Variants in TCF4 observed in about 807,000 individuals in gnomAD.
The protein encoded by TCF4 is SL3-3 enhancer factor 2.
TCF4 carries 3 observed loss-of-function variants against 82.1 expected under a neutral mutation model. That is an observed-to-expected ratio of 0.04 (90% CI 0.02 to 0.09). The LOEUF is 0.09. TCF4 is among the 10% of genes least tolerant of loss of function. The pLI is 1.00. For missense variants in TCF4, 518 were observed against 852.7 expected, an observed-to-expected ratio of 0.61 and a Z score of 4.89; for synonymous variants, 276 against 309.6, an observed-to-expected ratio of 0.89 and a Z score of 1.14.
intron 6 of TCF4, among the ~76,000 whole-genome samples, chr18:55,359,632 C>T (rs530340470): frequency 1.3e-5 from 2 of 152,306 alleles, no homozygotes; most frequent in Non-Finnish European, 2.9e-5. Context: ...CCAGTAGACA[C>T]GTAATTCCTC....
At chr18:55,601,118 C>T (rs562834895) in intron 2 of TCF4, among the ~76,000 whole-genome samples, 12 of 152,232 alleles carry the variant, frequency 7.9e-5, no homozygotes, top group Admixed American at 6.5e-4. Context: ...GTTCTAACCA[C>T]GTTACACACT....
intron 2 of TCF4, among the ~76,000 whole-genome samples, chr18:55,608,125 A>G (rs1324184816): frequency 6.6e-6 from 1 of 152,214 alleles, no homozygotes; most frequent in Non-Finnish European, 1.5e-5. Flanking sequence ...CTAGACCACA[A>G]AAAGATAATA....
intron 14 of TCF4, 90 bp from the exon 15 acceptor site, chr18:55,254,790 CTG>C (rs2056371479): frequency 3.5e-6 from 4 of 1,141,466 alleles, no homozygotes; most frequent in Admixed American, 4.0e-5. Context: ...AAAAAACACA[CTG>C]TGTTTCTAAA....
In TCF4 at chr18:55,254,499, T is replaced by C. The variant is rs1466719628; in HGVS notation, c.1348A>G (p.Met450Val). ...GLLSANRHSL[M>V]VGTHREDGVA... The stretch of plus-strand genomic sequence containing the variant: ...AGTCTATAAATTTCATCACTTACCA[T>C]GAGTGAATGTCTGTTGGCTGAAAGA... Residue 450 changes from methionine (M) to valine (V), a missense_variant and splice_region_variant, in exon 15 of 20, where the codon ATG (methionine) becomes GTG (valine). Around this residue, in one of 7 missense-constraint regions of TCF4, gnomAD observed 144 missense variants for 190.2 expected, o/e 0.76. Coordinates refer to ENST00000354452, the MANE Select transcript of TCF4 (RefSeq NM_001083962.2). 2.5e-6 allele frequency: 4 copies of C among 1,613,404 alleles called. No homozygotes were observed. In the African/African-American group the frequency reaches 4.0e-5, roughly 16 times the overall value.
intron 16 of TCF4, among the ~76,000 whole-genome samples, chr18:55,233,219 T>A (rs941773702): frequency 2.0e-5 from 3 of 152,242 alleles, no homozygotes; most frequent in African/African-American, 4.8e-5. Flanking sequence ...TTTCTAGCTT[T>A]ATCATTGCTC....
At chr18:55,422,125 CAAA>C (rs555892552) in intron 5 of TCF4, 3,562 of 319,622 alleles carry the variant, frequency 0.011, no homozygotes, top group Non-Finnish European at 0.013. Context: ...CACTATCATC[CAAA>C]AAAAAAAAAA....
At chr18:55,349,687 T>A (rs973031311) in intron 8 of TCF4, among the ~76,000 whole-genome samples, 1 of 151,886 alleles carries the variant, frequency 6.6e-6, no homozygotes, top group Non-Finnish European at 1.5e-5. Context: ...ACGTAAGAAT[T>A]CAAAATATGA....
At chr18:55,228,777 C>A (rs547644865) in intron 18 of TCF4, 70 bp downstream of exon 18, 3 of 1,502,926 alleles carry the variant, frequency 2.0e-6, no homozygotes, top group Admixed American at 3.5e-5. Flanking sequence ...TCAAGACTGG[C>A]GTGCCCATCT....
intron 3 of TCF4, among the ~76,000 whole-genome samples, chr18:55,583,931 A>G (rs911847770): frequency 3.9e-5 from 6 of 152,158 alleles, no homozygotes; most frequent in Non-Finnish European, 8.8e-5. Flanking sequence ...ACTATCCCAA[A>G]TCCCTAAGTG....
chr18:55,495,404 C>A (rs532756384), intron 3 of TCF4, among the ~76,000 whole-genome samples: 23 of 151,634 alleles, frequency 1.5e-4, no homozygotes, highest in Non-Finnish European at 3.1e-4. Flanking sequence ...ACTTTTAAAT[C>A]TTGTCCTAAA....
In TCF4 at chr18:55,513,158, G is replaced by C. The variant is rs571799850; in HGVS notation, c.146-49021C>G. On this transcript the variant is annotated intron_variant, in intron 3 of 19. Coordinates refer to ENST00000354452, the MANE Select transcript of TCF4 (RefSeq NM_001083962.2). ...CACCTGGCATGAAGACGATAAAACAGCGTCACTGACTAGTGCTGACTTCAG... is the reference window on the plus strand; with the variant it reads ...CACCTGGCATGAAGACGATAAAACACCGTCACTGACTAGTGCTGACTTCAG... 9.2e-5 allele frequency among the ~76,000 whole-genome samples: 14 copies of C among 152,292 alleles called. No homozygotes were observed. In the South Asian group the frequency reaches 2.5e-3, roughly 27 times the overall value.
intron 8 of TCF4, among the ~76,000 whole-genome samples, chr18:55,301,150 C>T (rs1052082151): frequency 6.6e-6 from 1 of 152,116 alleles, no homozygotes; most frequent in Admixed American, 6.5e-5. Flanking sequence ...AAAAGTGACC[C>T]CAATCCCGTA....
chr18:55,257,589 A>G, intron 13 of TCF4, 198 bp from the exon 14 acceptor site: 1 of 609,654 alleles, frequency 1.6e-6, no homozygotes, highest in Non-Finnish European at 2.9e-6. Context: ...TAGACTTTAC[A>G]TAGACTCACA....
At chr18:55,305,284 T>C (rs2069891455) in intron 8 of TCF4, among the ~76,000 whole-genome samples, 1 of 152,166 alleles carries the variant, frequency 6.6e-6, no homozygotes, top group South Asian at 2.1e-4. Flanking sequence ...ACTGGTAAAA[T>C]TTTTAATTTT....
intron 5 of TCF4, among the ~76,000 whole-genome samples, chr18:55,447,001 G>A (rs1320716222): frequency 2.8e-5 from 4 of 141,668 alleles, no homozygotes; most frequent in African/African-American, 7.9e-5. Context: ...AAAAAAAAAA[G>A]GAAAAAAAGA....
At position 55,616,994 on chromosome 18, in the gene TCF4, T is replaced by C. The variant is rs192590157; in HGVS notation, c.286+14304A>G. On this transcript the variant is annotated intron_variant, in intron 2 of 20. Transcript: ENST00000398339. ...GCTGCTTGTGTTTTGCTGTCATATCTAATAAATCATTGCCAAGACCAATAT... is the reference window on the plus strand; with the variant it reads ...GCTGCTTGTGTTTTGCTGTCATATCCAATAAATCATTGCCAAGACCAATAT... Among the ~76,000 whole-genome samples the C allele has an allele frequency of 1.6e-3, 242 of 152,252 alleles. 1 individual carries two copies. Among genetic ancestry groups the C allele is most frequent in the African/African-American group, 5.7e-3 (235 of 41,580 alleles).
intron 3 of TCF4, chr18:55,510,823 G>A: frequency 1.8e-6 from 2 of 1,103,404 alleles, no homozygotes; most frequent in South Asian, 7.6e-5. Context: ...AAGGGGAAAT[G>A]ATACTGGCTG....
Position 55,465,109 on chromosome 18 carries a change from G to T in TCF4, c.146-972C>A, listed in dbSNP as rs551080131. On this transcript the variant is annotated intron_variant, in intron 3 of 19. Coordinates refer to ENST00000354452, the MANE Select transcript of TCF4 (RefSeq NM_001083962.2). ...AAAAGTTTCACTGTTATATTATTTTGATCACGGCTGATAACAGACGGCCAT... is the reference window on the plus strand; with the variant it reads ...AAAAGTTTCACTGTTATATTATTTTTATCACGGCTGATAACAGACGGCCAT... Among the ~76,000 whole-genome samples the T allele has an allele frequency of 2.0e-5, 3 of 152,236 alleles. No homozygotes were observed. The East Asian group carries it at 5.8e-4, about 29-fold the overall frequency.
At chr18:55,302,608 T>C in intron 8 of TCF4, 11 of 1,527,070 alleles carry the variant, frequency 7.2e-6, no homozygotes, top group Non-Finnish European at 9.6e-6. Context: ...GGGAACTTCA[T>C]GCTGGATATA....
Sources: allele counts gnomAD v4.1 joint callset (sites outside exome capture counted in the v4.1 genomes callset), GRCh38; gene constraint gnomAD v4.1.1; regional missense constraint gnomAD v4.1.1; transcripts MANE v1.5; gene names NCBI Gene and HGNC (gene_info 2026-07-23, HGNC 2026-07-21).